UPF3A: variants seen among roughly 807,000 people sequenced by gnomAD.
The protein encoded by UPF3A is regulator of nonsense transcripts 3A.
In UPF3A, 42 loss-of-function variants were observed where a neutral mutation model predicts 53.5. The ratio of observed to expected loss-of-function variants is 0.78; its 90% CI spans 0.61 to 1.01. UPF3A has a LOEUF of 1.01. Ranked by LOEUF, UPF3A falls within the 50% of genes least tolerant of loss-of-function variation. UPF3A has a pLI of 0.00. For missense variants in UPF3A, 575 were observed against 598.0 expected (o/e 0.96, Z 0.40); for synonymous variants, 237 against 225.3 (o/e 1.05, Z -0.47).
In UPF3A at chr13:114,303,023, C is replaced by T. The variant is rs530295767; in HGVS notation, c.1302+998C>T. On this transcript the variant is annotated intron_variant, in intron 9 of 9. Coordinates refer to ENST00000375299, the MANE Select transcript of UPF3A (RefSeq NM_023011.4). ...GCTGAGGCAGGAGAATTGCTTGAAC[C>T]TGGGAGGCGGAGGTTGCAGTGAGCC... Among the ~76,000 whole-genome samples, 6 of 152,266 alleles carry T rather than the reference C, an allele frequency of 3.9e-5. No homozygotes were observed. The East Asian group carries it at 9.7e-4, about 25-fold the overall frequency.
chr13:114,289,045 G>A (rs1566739308), intron 5 of UPF3A, among the ~76,000 whole-genome samples: 1 of 152,080 alleles, frequency 6.6e-6, no homozygotes, highest in Non-Finnish European at 1.5e-5. Flanking sequence ...GCCGGGGTGG[G>A]GAGAGGGGGG....
chr13:114,301,618 C>A, intron 8 of UPF3A, 113 bp from the exon 9 acceptor site: 1 of 1,007,808 alleles, frequency 9.9e-7, no homozygotes, highest in Non-Finnish European at 1.5e-6. Flanking sequence ...AGCAGTGCAG[C>A]GCTGAGCACT....
chr13:114,301,449 C>G (rs550516761), intron 8 of UPF3A, among the ~76,000 whole-genome samples: 1 of 146,664 alleles, frequency 6.8e-6, no homozygotes, highest in African/African-American at 2.5e-5. Context: ...GGCAACAGAG[C>G]GAGACTCCAT....
intron 7 of UPF3A, among the ~76,000 whole-genome samples, chr13:114,297,466 C>T (rs1026791787): frequency 1.3e-5 from 2 of 152,144 alleles, no homozygotes; most frequent in African/African-American, 4.8e-5. Context: ...AAAACTAATA[C>T]TTGTCTATGT....
chr13:114,286,260 A>T, intron 3 of UPF3A, 42 bp from the exon 4 acceptor site: 1 of 1,607,778 alleles, frequency 6.2e-7, no homozygotes, highest in Non-Finnish European at 8.5e-7. Context: ...TGAATGTAGT[A>T]GAATTTCAGA....
chr13:114,298,468 A>G (rs9525203), intron 7 of UPF3A, among the ~76,000 whole-genome samples: 8,621 of 151,868 alleles, frequency 0.057, 294 homozygotes, highest in Middle Eastern at 0.11. Flanking sequence ...TGAACCTTGG[A>G]GGCGGAGGCT....
intron 5 of UPF3A, among the ~76,000 whole-genome samples, chr13:114,288,834 T>C (rs111664433): frequency 2.6e-5 from 4 of 152,206 alleles, no homozygotes; most frequent in Non-Finnish European, 4.4e-5. Flanking sequence ...TAGGACAGTA[T>C]TGGGGGCAAA....
intron 7 of UPF3A, among the ~76,000 whole-genome samples, chr13:114,293,788 T>C (rs780073624): frequency 2.6e-5 from 4 of 152,172 alleles, no homozygotes; most frequent in East Asian, 1.9e-4. Flanking sequence ...GAAGAGATCA[T>C]TGAACCATAG....
intron 7 of UPF3A, among the ~76,000 whole-genome samples, chr13:114,292,363 C>T (rs1316942160): frequency 2.0e-5 from 3 of 147,522 alleles, no homozygotes; most frequent in Non-Finnish European, 3.0e-5. Flanking sequence ...AAGGCGTACA[C>T]GTGCAGGTGT....
intron 8 of UPF3A, among the ~76,000 whole-genome samples, chr13:114,299,755 C>T (rs2086418659): frequency 6.6e-6 from 1 of 152,236 alleles, no homozygotes. Flanking sequence ...CTGGGCTTAC[C>T]TTCCCCTCCG....
chr13:114,295,660 C>T (rs1333954944), intron 7 of UPF3A, among the ~76,000 whole-genome samples: 3 of 152,206 alleles, frequency 2.0e-5, no homozygotes, highest in Non-Finnish European at 4.4e-5. Flanking sequence ...CTGAGGTTAT[C>T]TTATTCCTTT....
rs542375444 is a variant in UPF3A at position 114,286,733 on chromosome 13, T to C, written c.631+104T>C. ...GACTGTGATAACAAGTTGAAACTTG[T>C]TACAGGCTTGACAGAAATGTAGAGT... is the stretch of plus-strand genomic sequence containing the variant. On this transcript the variant is annotated intron_variant, in intron 5 of 9. Coordinates refer to ENST00000375299, the MANE Select transcript of UPF3A (RefSeq NM_023011.4). The C allele has an allele frequency of 1.6e-5, 14 of 897,906 alleles. No individual in the cohort carries two copies. The African/African-American group carries it at 1.9e-4, about 12-fold the overall frequency. The allele number at this position is 897,906 out of a possible 1,614,324, so 55.6% of individuals were successfully genotyped here. A position where few individuals can be genotyped will look rare whatever the true frequency, so the allele number is the denominator to read the frequency against.
At position 114,282,917 on chromosome 13, in the gene UPF3A, A is replaced by G. The variant is rs2084264546; in HGVS notation, c.395A>G (p.Asp132Gly). The change falls in exon 3 of 10, where the codon GAT becomes GGT. Residue 132 changes from aspartate (D) to glycine (G), a missense_variant. Coordinates refer to ENST00000375299, the MANE Select transcript of UPF3A (RefSeq NM_023011.4). Reference protein sequence around the residue: ...DDILLFRDRFDGYIFLDSKGL... With the variant: ...DDILLFRDRFGGYIFLDSKGL... ...ATCCTTCTTTTTAGAGATCGTTTTGATGGATATATCTTCCTTGACAGCAAA... is the reference window on the plus strand; with the variant it reads ...ATCCTTCTTTTTAGAGATCGTTTTGGTGGATATATCTTCCTTGACAGCAAA... The G allele has an allele frequency of 1.2e-6, 2 of 1,611,034 alleles. No individual in the cohort carries two copies. The highest frequency in any genetic ancestry group is 1.3e-5 in the African/African-American group (1 of 74,852).
At chr13:114,286,652 C>CT (rs376043883) in intron 5 of UPF3A, 23 bp downstream of exon 5, 2 of 1,567,762 alleles carry the variant, frequency 1.3e-6, no homozygotes, top group African/African-American at 1.4e-5. Flanking sequence ...CATTTCTTCT[C>CT]TTTTCTTTAT....
chr13:114,286,124 A>G (rs900903299), intron 3 of UPF3A, 178 bp from the exon 4 acceptor site: 2 of 814,148 alleles, frequency 2.5e-6, no homozygotes, highest in Non-Finnish European at 1.8e-6. Flanking sequence ...AGTGTAATAA[A>G]ATTGTAGGTT....
chr13:114,302,329 AATG>A (rs1218632581), intron 9 of UPF3A, among the ~76,000 whole-genome samples: 1 of 152,224 alleles, frequency 6.6e-6, no homozygotes, highest in Non-Finnish European at 1.5e-5. Flanking sequence ...GGAAAGTTTT[AATG>A]ATATTTCATG....
intron 5 of UPF3A, among the ~76,000 whole-genome samples, chr13:114,288,905 G>A (rs574450558): frequency 3.3e-5 from 5 of 152,234 alleles, no homozygotes; most frequent in South Asian, 4.1e-4. Context: ...CAAATTAGAC[G>A]TTATTACAGG....
intron 2 of UPF3A, 147 bp from the exon 3 acceptor site, chr13:114,282,690 T>C (rs2084228922): frequency 1.4e-6 from 2 of 1,472,230 alleles, no homozygotes; most frequent in South Asian, 2.7e-5. Flanking sequence ...TGCTAAAGAA[T>C]ATCCAAGTTG....
At chr13:114,303,032 G>A (rs548382890) in intron 9 of UPF3A, among the ~76,000 whole-genome samples, 26 of 152,230 alleles carry the variant, frequency 1.7e-4, no homozygotes, top group Non-Finnish European at 2.8e-4. Flanking sequence ...CCTGGGAGGC[G>A]GAGGTTGCAG....
Sources: allele counts gnomAD v4.1 joint callset (sites outside exome capture counted in the v4.1 genomes callset), GRCh38; gene constraint gnomAD v4.1.1; transcripts MANE v1.5; gene names NCBI Gene and HGNC (gene_info 2026-07-23, HGNC 2026-07-21).